The following MAGI2 variants were observed in gnomAD, a reference collection of about 807,000 sequenced individuals.
MAGI2 encodes the protein membrane associated guanylate kinase, WW and PDZ domain containing 2.
In MAGI2, 35 loss-of-function variants were observed where a neutral mutation model predicts 133.3. The ratio of observed to expected loss-of-function variants is 0.26; its 90% CI spans 0.20 to 0.35. MAGI2 has a LOEUF of 0.35. Ranked by LOEUF, MAGI2 falls within the 10% of genes least tolerant of loss-of-function variation. The pLI, the probability that MAGI2 is intolerant of heterozygous loss-of-function variation, is 1.00. For synonymous variants in MAGI2, 729 were observed against 710.6 expected, an observed-to-expected ratio of 1.03 and a Z score of -0.41; for missense variants, 1,636 against 1,863.4, an observed-to-expected ratio of 0.88 and a Z score of 2.25.
chr7:78,900,696 T>C (rs1202495392), intron 2 of MAGI2, among the ~76,000 whole-genome samples: 1 of 152,234 alleles, frequency 6.6e-6, no homozygotes, highest in African/African-American at 2.4e-5. Context: ...GTTCCTTTAC[T>C]GCACTGATTA....
At chr7:78,561,568 AAAG>A (rs201661149) in intron 3 of MAGI2, among the ~76,000 whole-genome samples, 4,503 of 152,266 alleles carry the variant, frequency 0.03, 166 homozygotes, top group South Asian at 0.14. Context: ...TAGAATTAGG[AAAG>A]AAGACTTTAG....
chr7:78,592,828 CTT>C (rs10675572), intron 3 of MAGI2, among the ~76,000 whole-genome samples: 17,993 of 104,270 alleles, frequency 0.17, 776 homozygotes, highest in Non-Finnish European at 0.19. Context: ...TACTGATTCT[CTT>C]TTTTTTTTTT....
chr7:78,736,441 A>T (rs1269620324), intron 2 of MAGI2, among the ~76,000 whole-genome samples: 1 of 152,168 alleles, frequency 6.6e-6, no homozygotes, highest in Non-Finnish European at 1.5e-5. Flanking sequence ...ATACTTCCAG[A>T]CTTAAATGTC....
intron 2 of MAGI2, among the ~76,000 whole-genome samples, chr7:78,839,455 T>C (rs1011689279): frequency 2.0e-5 from 3 of 152,106 alleles, no homozygotes; most frequent in Non-Finnish European, 4.4e-5. Flanking sequence ...ATGCTACATA[T>C]TAATCCCTTT....
intron 1 of MAGI2, among the ~76,000 whole-genome samples, chr7:79,348,888 T>A (rs1324320542): frequency 6.6e-6 from 1 of 151,922 alleles, no homozygotes; most frequent in Non-Finnish European, 1.5e-5. Context: ...TAGAAAAAAT[T>A]ATGCAATGCA....
intron 1 of MAGI2, among the ~76,000 whole-genome samples, chr7:79,187,235 A>C (rs1348908118): frequency 6.6e-6 from 1 of 151,908 alleles, no homozygotes; most frequent in African/African-American, 2.4e-5. Flanking sequence ...AAGAAGTATT[A>C]TTTTAATTCT....
At chr7:78,615,473 A>G (rs892732122) in intron 3 of MAGI2, 3 of 152,220 alleles carry the variant, frequency 2.0e-5, no homozygotes, top group African/African-American at 4.8e-5. Context: ...AGGGGCAGAA[A>G]TAGCAAGTAT....
chr7:78,503,333 C>T (rs1026453877), intron 4 of MAGI2, among the ~76,000 whole-genome samples: 16 of 151,966 alleles, frequency 1.1e-4, no homozygotes, highest in Non-Finnish European at 1.8e-4. Context: ...CCTCAAGATA[C>T]GGGGAGAAAA....
chr7:78,283,344 A>G (rs1293985641), intron 9 of MAGI2, among the ~76,000 whole-genome samples: 1 of 152,128 alleles, frequency 6.6e-6, no homozygotes, highest in Non-Finnish European at 1.5e-5. Context: ...CAAGAGAATA[A>G]TAACAAGCTG....
In MAGI2 at chr7:78,521,618, G is replaced by T; in HGVS notation, c.566C>A (p.Pro189Gln). 1 of 1,614,048 alleles carries T rather than the reference G, an allele frequency of 6.2e-7. No individual in the cohort carries two copies. Among genetic ancestry groups the T allele is most frequent in the Non-Finnish European group, 8.5e-7 (1 of 1,179,986 alleles). ...EDNYYGTPKP[P>Q]AEPAPLLLNV... Reference sequence around the variant, plus strand: ...TAACAATAATGGTGCTGGTTCTGCTGGCGGCTTTGGGGTACCGTAGTAATT... The same window carrying T: ...TAACAATAATGGTGCTGGTTCTGCTTGCGGCTTTGGGGTACCGTAGTAATT... The change falls in exon 4 of 22, where the codon CCA becomes CAA. Residue 189 changes from proline (P) to glutamine (Q), a missense_variant. Physicochemically the swap from Pro to Gln is moderately conservative, Grantham distance 76 (BLOSUM62 -1). Transcript: ENST00000354212.
At chr7:79,350,284 G>A (rs141392972) in intron 1 of MAGI2, among the ~76,000 whole-genome samples, 25 of 152,192 alleles carry the variant, frequency 1.6e-4, no homozygotes, top group Admixed American at 3.9e-4. Flanking sequence ...TCAGGGACAC[G>A]CAAATAGTCA....
At chr7:78,742,103 T>C (rs1200520375) in intron 2 of MAGI2, among the ~76,000 whole-genome samples, 4 of 152,034 alleles carry the variant, frequency 2.6e-5, no homozygotes, top group Non-Finnish European at 4.4e-5. Flanking sequence ...GAACTTTTTT[T>C]TATGAAACAT....
At chr7:78,950,042 T>A (rs1374268343) in intron 2 of MAGI2, among the ~76,000 whole-genome samples, 1 of 152,124 alleles carries the variant, frequency 6.6e-6, no homozygotes, top group East Asian at 1.9e-4. Flanking sequence ...AGTCTAAGAC[T>A]CTTCTACACC....
intron 1 of MAGI2, among the ~76,000 whole-genome samples, chr7:79,127,478 T>C (rs1171392078): frequency 6.6e-6 from 1 of 152,126 alleles, no homozygotes; most frequent in Non-Finnish European, 1.5e-5. Flanking sequence ...CCTGACTTTT[T>C]AATGATTGCC....
At chr7:79,414,822 G>A (rs1475870690) in intron 1 of MAGI2, 3 of 152,022 alleles carry the variant, frequency 2.0e-5, no homozygotes, top group Non-Finnish European at 2.9e-5. Context: ...TCCTCTTTAC[G>A]TCTTTCCATG....
At chr7:78,646,343 A>G (rs1418485951) in intron 2 of MAGI2, among the ~76,000 whole-genome samples, 2 of 152,180 alleles carry the variant, frequency 1.3e-5, no homozygotes, top group Admixed American at 6.5e-5. Context: ...ACTTATAATC[A>G]TATAAGAGTA....
intron 14 of MAGI2, among the ~76,000 whole-genome samples, chr7:78,172,714 G>A (rs1826230810): frequency 6.6e-6 from 1 of 152,258 alleles, no homozygotes; most frequent in Middle Eastern, 3.4e-3. Context: ...AAACCCATTT[G>A]ATGTACTTTA....
chr7:78,748,063 T>C (rs761640726), intron 2 of MAGI2, among the ~76,000 whole-genome samples: 1 of 152,108 alleles, frequency 6.6e-6, no homozygotes, highest in African/African-American at 2.4e-5. Context: ...CATCAGCTTT[T>C]AACCAGCTTC....
chr7:78,403,294 T>C (rs1481860715), intron 6 of MAGI2, among the ~76,000 whole-genome samples: 1 of 152,214 alleles, frequency 6.6e-6, no homozygotes, highest in African/African-American at 2.4e-5. Context: ...AATGATTGTT[T>C]CCAGCTTCAT....
Sources: allele counts gnomAD v4.1 joint callset (sites outside exome capture counted in the v4.1 genomes callset), GRCh38; gene constraint gnomAD v4.1.1; transcripts MANE v1.5; gene names NCBI Gene and HGNC (gene_info 2026-07-23, HGNC 2026-07-21).